The following SF3B3 variants were observed in gnomAD, a reference collection of about 807,000 sequenced individuals.
SF3B3 encodes the protein splicing factor 3b subunit 3.
In SF3B3, 33 loss-of-function variants were observed where a neutral mutation model predicts 139.2. That is an observed-to-expected ratio of 0.24 (90% CI 0.18 to 0.32). SF3B3 has a LOEUF of 0.32. Among genes scored for constraint, SF3B3 ranks in the 10% least tolerant of loss-of-function variants. SF3B3 has a pLI of 1.00. For synonymous variants in SF3B3, 596 were observed against 563.6 expected (o/e 1.06, Z -0.81); for missense variants, 818 against 1,509.4 (o/e 0.54, Z 7.59).
chr16:70,540,040 G>T (rs2050204917), intron 8 of SF3B3, among the ~76,000 whole-genome samples: 1 of 150,684 alleles, frequency 6.6e-6, no homozygotes, highest in South Asian at 2.1e-4. Context: ...CTCCCAAAGT[G>T]GTTGGATTAC....
intron 16 of SF3B3, 195 bp from the exon 17 acceptor site, chr16:70,561,435 C>G: frequency 1.7e-6 from 1 of 578,560 alleles, no homozygotes; most frequent in Non-Finnish European, 3.1e-6. Context: ...TGGCTCGTAG[C>G]CCATGCTTTT....
chr16:70,562,477 C>T (rs1460511023), intron 17 of SF3B3, among the ~76,000 whole-genome samples: 1 of 152,172 alleles, frequency 6.6e-6, no homozygotes, highest in Non-Finnish European at 1.5e-5. Context: ...TGGTCATTGT[C>T]CTTTTTCTTT....
chr16:70,541,582 A>G (rs2050219330), intron 8 of SF3B3, 87 bp from the exon 9 acceptor site: 2 of 1,061,734 alleles, frequency 1.9e-6, no homozygotes, highest in Non-Finnish European at 2.8e-6. Context: ...AATATAATCA[A>G]ATAGCTTGTG....
chr16:70,557,869 A>G (rs761902618), intron 15 of SF3B3, among the ~76,000 whole-genome samples: 18 of 152,146 alleles, frequency 1.2e-4, no homozygotes, highest in Admixed American at 2.0e-4. Context: ...CTGTTTTTGT[A>G]AGATACTAGT....
chr16:70,537,622 G>A (rs1366217503), intron 6 of SF3B3, among the ~76,000 whole-genome samples: 3 of 152,242 alleles, frequency 2.0e-5, no homozygotes, highest in African/African-American at 7.2e-5. Context: ...AATTTGGCAA[G>A]TTAAATTCTT....
At chr16:70,545,200 G>C (rs2050256135) in intron 10 of SF3B3, among the ~76,000 whole-genome samples, 1 of 152,036 alleles carries the variant, frequency 6.6e-6, no homozygotes, top group South Asian at 2.1e-4. Flanking sequence ...TGAATAACTG[G>C]GGACTGCAGG....
intron 17 of SF3B3, among the ~76,000 whole-genome samples, chr16:70,562,513 C>G (rs1467878119): frequency 1.3e-5 from 2 of 152,176 alleles, no homozygotes; most frequent in Non-Finnish European, 1.5e-5. Context: ...TTATCTTCTG[C>G]TCCAGCAGAA....
At chr16:70,569,166 G>T in intron 23 of SF3B3, 25 bp downstream of exon 23, 1 of 1,507,580 alleles carries the variant, frequency 6.6e-7, no homozygotes, top group South Asian at 1.2e-5. Flanking sequence ...TGGGCCCCAG[G>T]GAGAACACTG....
chr16:70,535,188 T>A lies in SF3B3; in HGVS notation c.713-120T>A, dbSNP rs2050154996. On this transcript the variant is annotated intron_variant, in intron 5 of 25. Coordinates refer to ENST00000302516, the MANE Select transcript of SF3B3 (RefSeq NM_012426.5). ...CATAAGGGAGGAGAAACACATGAAA[T>A]GTTTCTTAGCATCAGGCACATTACC... 3 of 545,586 alleles carry A rather than the reference T, an allele frequency of 5.5e-6. No individual in the cohort carries two copies. In the Admixed American group the frequency reaches 8.7e-5, roughly 16 times the overall value. The allele number at this position is 545,586 out of a possible 1,614,324, so 33.8% of individuals were successfully genotyped here.
intron 14 of SF3B3, chr16:70,556,598 A>G (rs1283422003): frequency 3.3e-6 from 2 of 599,560 alleles, no homozygotes; most frequent in Non-Finnish European, 5.8e-6. Context: ...CCAAGACTGC[A>G]TAAATTTGAC....
At chr16:70,527,775 T>C (rs2050078522) in intron 2 of SF3B3, among the ~76,000 whole-genome samples, 1 of 152,144 alleles carries the variant, frequency 6.6e-6, no homozygotes, top group Non-Finnish European at 1.5e-5. Flanking sequence ...TGTTTTGTTT[T>C]TGTTTTTGTT....
In SF3B3 at chr16:70,567,444, C is replaced by G. The variant is rs779969129; in HGVS notation, c.2860C>G (p.Pro954Ala). Reference sequence around the variant, plus strand: ...GGAAGAGGTCCCTGCTGCTATTGCCCCATTCCAGGGGAGGGTGTTGATTGG... The same window carrying G: ...GGAAGAGGTCCCTGCTGCTATTGCCGCATTCCAGGGGAGGGTGTTGATTGG... The part of the protein sequence containing the change: ...PVEEVPAAIA[P>A]FQGRVLIGVG... The change falls in exon 21 of 26, where the codon CCA becomes GCA. Residue 954 changes from proline to alanine, a missense_variant. Physicochemically the swap from Pro to Ala is conservative, Grantham distance 27 (BLOSUM62 -1). Coordinates refer to ENST00000302516, the MANE Select transcript of SF3B3 (RefSeq NM_012426.5). The G allele has an allele frequency of 1.2e-6, 2 of 1,613,908 alleles. No homozygotes were observed. The highest frequency in any genetic ancestry group is 1.7e-6 in the Non-Finnish European group (2 of 1,179,990).
In SF3B3 at chr16:70,539,778, A is replaced by T. The variant is rs1010571831; in HGVS notation, c.1067+571A>T. On this transcript the variant is annotated intron_variant, in intron 8 of 25. Transcript: ENST00000302516. ...TTTTGCTGAATATTTCATCAAATAA[A>T]TTTTTTTTTTTTTTTGAAGTGGAGT... is the stretch of plus-strand genomic sequence containing the variant. 8.1e-4 allele frequency among the ~76,000 whole-genome samples: 117 copies of T among 143,764 alleles called. No individual in the cohort carries two copies. The Middle Eastern group carries it at 0.011, about 13-fold the overall frequency. The allele number at this position is 143,764 out of a possible 152,430, so 94.3% of individuals were successfully genotyped here. A position where few individuals can be genotyped will look rare whatever the true frequency, so the allele number is the denominator to read the frequency against.
chr16:70,570,992 T>G, intron 24 of SF3B3, 103 bp from the exon 25 acceptor site: 1 of 785,576 alleles, frequency 1.3e-6, no homozygotes, highest in Non-Finnish European at 2.3e-6. Context: ...TCCCGTGTGT[T>G]TGTGTAGTAA....
At chr16:70,568,566 C>A in intron 22 of SF3B3, 71 bp downstream of exon 22, 1 of 1,219,712 alleles carries the variant, frequency 8.2e-7, no homozygotes, top group Non-Finnish European at 1.2e-6. Flanking sequence ...GTGGGTAAAG[C>A]CAAGGAGGAA....
intron 11 of SF3B3, 190 bp downstream of exon 11, chr16:70,548,632 G>C: frequency 1.8e-6 from 1 of 558,690 alleles, no homozygotes; most frequent in South Asian, 2.3e-5. Flanking sequence ...TTTTTGTGCA[G>C]GTGGGAAAGG....
At chr16:70,530,118 T>C (rs2050105967) in intron 3 of SF3B3, among the ~76,000 whole-genome samples, 1 of 136,662 alleles carries the variant, frequency 7.3e-6, no homozygotes, top group Non-Finnish European at 1.6e-5. Flanking sequence ...AGAGTGAGAC[T>C]GCATCTCAAA....
chr16:70,547,093 C>G (rs1393906856), intron 10 of SF3B3, among the ~76,000 whole-genome samples: 1 of 152,104 alleles, frequency 6.6e-6, no homozygotes, highest in Non-Finnish European at 1.5e-5. Flanking sequence ...ATTTGTTACA[C>G]CTTGTTGTCT....
intron 10 of SF3B3, among the ~76,000 whole-genome samples, chr16:70,548,101 T>C (rs2050285936): frequency 6.6e-6 from 1 of 152,160 alleles, no homozygotes; most frequent in African/African-American, 2.4e-5. Context: ...TCAAGGCATA[T>C]TGTACTTGAA....
Sources: gnomAD v4.1 joint callset for allele counts (sites outside exome capture counted in the v4.1 genomes callset) on GRCh38, gnomAD v4.1.1 for gene constraint, MANE v1.5 for transcripts, NCBI Gene and HGNC (gene_info 2026-07-23, HGNC 2026-07-21) for gene names.